Variants in ROBO1 observed in about 807,000 individuals in gnomAD.
ROBO1 encodes the protein roundabout guidance receptor 1.
ROBO1 carries 149 observed loss-of-function variants against 195.9 expected under a neutral mutation model. The observed-to-expected ratio is 0.76, with a 90% CI of 0.67 to 0.87. ROBO1 has a LOEUF of 0.87. ROBO1 is among the 40% of genes least tolerant of loss of function. ROBO1 has a pLI of 0.00. For synonymous variants in ROBO1, 816 were observed against 733.2 expected (o/e 1.11, Z -1.82); for missense variants, 1,933 against 2,068.3 (o/e 0.93, Z 1.27).
chr3:78,964,988 CA>C (rs968419098), intron 3 of ROBO1, among the ~76,000 whole-genome samples: 2 of 150,894 alleles, frequency 1.3e-5, no homozygotes, highest in Non-Finnish European at 3.0e-5. Flanking sequence ...TCTGAGAACG[CA>C]AAAAATATTG....
intron 1 of ROBO1, among the ~76,000 whole-genome samples, chr3:79,660,272 G>GT (rs1164293224): frequency 1.3e-4 from 19 of 151,588 alleles, no homozygotes; most frequent in Non-Finnish European, 2.2e-4. Context: ...TCCTGTGGAA[G>GT]TCACGACTAA....
chr3:78,760,113 C>G (rs333490), intron 4 of ROBO1, among the ~76,000 whole-genome samples: 41,682 of 151,912 alleles, frequency 0.27, 5,963 homozygotes, highest in East Asian at 0.52. Flanking sequence ...AAACCTCTTG[C>G]GCTTGGCTCT....
chr3:79,363,663 C>T (rs2035856023), intron 2 of ROBO1, among the ~76,000 whole-genome samples: 1 of 152,162 alleles, frequency 6.6e-6, no homozygotes, highest in Admixed American at 6.5e-5. Flanking sequence ...TATGTACCCA[C>T]AGGCATTCAC....
At chr3:79,514,815 G>A (rs1940873302) in intron 2 of ROBO1, among the ~76,000 whole-genome samples, 1 of 152,074 alleles carries the variant, frequency 6.6e-6, no homozygotes, top group Non-Finnish European at 1.5e-5. Flanking sequence ...AAACACTTAA[G>A]TATTATGAAC....
At chr3:79,471,476 A>C (rs2107320866) in intron 2 of ROBO1, among the ~76,000 whole-genome samples, 1 of 152,294 alleles carries the variant, frequency 6.6e-6, no homozygotes, top group South Asian at 2.1e-4. Context: ...ATAAACTAAA[A>C]AAGATATCTT....
chr3:78,979,114 G>A (rs934222369), intron 3 of ROBO1, among the ~76,000 whole-genome samples: 8 of 152,096 alleles, frequency 5.3e-5, no homozygotes, highest in South Asian at 4.1e-4. Context: ...TCTTATGGAC[G>A]GGTGCTGTGT....
At chr3:79,334,433 C>G (rs1325657184) in intron 2 of ROBO1, among the ~76,000 whole-genome samples, 1 of 149,034 alleles carries the variant, frequency 6.7e-6, no homozygotes, top group Non-Finnish European at 1.5e-5. Context: ...TTACTTTAAT[C>G]ATCTTCCTCA....
intron 2 of ROBO1, among the ~76,000 whole-genome samples, chr3:79,424,094 G>A (rs148478087): frequency 1.7e-3 from 260 of 152,096 alleles, no homozygotes; most frequent in African/African-American, 5.9e-3. Context: ...AACATTTCTC[G>A]TAGCTAGATG....
chr3:79,748,492 G>A (rs1703971272), intron 1 of ROBO1, among the ~76,000 whole-genome samples: 1 of 152,096 alleles, frequency 6.6e-6, no homozygotes, highest in African/African-American at 2.4e-5. Flanking sequence ...AACCTAATTA[G>A]TTTTATTTCA....
intron 3 of ROBO1, among the ~76,000 whole-genome samples, chr3:79,093,546 T>TA (rs1245067737): frequency 1.3e-5 from 2 of 152,016 alleles, no homozygotes; most frequent in East Asian, 1.9e-4. Flanking sequence ...TATCATTATT[T>TA]AAAAAAATTA....
chr3:79,301,294 C>T (rs184321009), intron 2 of ROBO1, among the ~76,000 whole-genome samples: 7 of 152,234 alleles, frequency 4.6e-5, no homozygotes, highest in Admixed American at 3.3e-4. Context: ...CGCGAGAGTC[C>T]GCGACTTCTT....
At chr3:79,339,186 C>T (rs2034806836) in intron 2 of ROBO1, among the ~76,000 whole-genome samples, 2 of 152,198 alleles carry the variant, frequency 1.3e-5, no homozygotes, top group Admixed American at 6.5e-5. Context: ...GTCTCTTCTG[C>T]TTCCATCCTT....
chr3:79,036,298 A>G (rs978847741), intron 3 of ROBO1, among the ~76,000 whole-genome samples: 3 of 151,824 alleles, frequency 2.0e-5, no homozygotes, highest in African/African-American at 7.3e-5. Context: ...CTTTATTTGG[A>G]TGAATTTTGC....
intron 2 of ROBO1, among the ~76,000 whole-genome samples, chr3:79,323,334 C>T (rs893413380): frequency 4.6e-5 from 7 of 152,156 alleles, no homozygotes; most frequent in African/African-American, 1.7e-4. Context: ...CCCACCTCAG[C>T]CTCCCACAGT....
At chr3:79,137,388 A>G (rs1341110668) in intron 2 of ROBO1, among the ~76,000 whole-genome samples, 1 of 151,628 alleles carries the variant, frequency 6.6e-6, no homozygotes, top group Non-Finnish European at 1.5e-5. Context: ...CTAAATAAAA[A>G]AAAAACAGAT....
At chr3:79,192,459 A>C (rs1247920577) in intron 2 of ROBO1, among the ~76,000 whole-genome samples, 2 of 151,708 alleles carry the variant, frequency 1.3e-5, no homozygotes, top group Non-Finnish European at 2.9e-5. Flanking sequence ...GGGGTAATTT[A>C]GATTGATGAA....
intron 3 of ROBO1, among the ~76,000 whole-genome samples, chr3:79,029,931 G>A (rs759249954): frequency 8.5e-5 from 13 of 152,308 alleles, no homozygotes; most frequent in Non-Finnish European, 1.8e-4. Context: ...AACAGTGGAA[G>A]TAATGACTTG....
chr3:78,912,951 A>C, intron 4 of ROBO1, among the ~76,000 whole-genome samples: 1 of 152,100 alleles, frequency 6.6e-6, no homozygotes, highest in East Asian at 1.9e-4. Context: ...TCCTCACTTA[A>C]ACAAAACAAT....
Position 78,639,866 on chromosome 3 carries a change from G to C in ROBO1, c.2915C>G (p.Ala972Gly), listed in dbSNP as rs554782891. The C allele has an allele frequency of 6.2e-7, 1 of 1,608,178 alleles. No homozygotes were observed. The highest frequency in any genetic ancestry group is 2.2e-5 in the East Asian group (1 of 44,634). Residue 972 changes from alanine to glycine, a missense_variant, in exon 22 of 31, where the codon GCG becomes GGG. This residue lies in a region of ROBO1 where 1,737 missense variants were observed against 1,882.5 expected (regional missense o/e 0.92). Transcript: ENST00000464233. Reference protein sequence around the residue: ...PGLLNISEPAAQPWLADTWPN... With the variant: ...PGLLNISEPAGQPWLADTWPN... The stretch of plus-strand genomic sequence containing the variant: ...CCACGTGTCTGCCAGCCATGGCTGC[G>C]CGGCAGGTTCACTGATGTTGAGAAG...
Sources: allele counts gnomAD v4.1 joint callset (sites outside exome capture counted in the v4.1 genomes callset), GRCh38; gene constraint gnomAD v4.1.1; regional missense constraint gnomAD v4.1.1; transcripts MANE v1.5; gene names NCBI Gene and HGNC (gene_info 2026-07-23, HGNC 2026-07-21).